Variants in SLC22A3 observed in about 807,000 individuals in gnomAD.
SLC22A3 encodes EMT organic cation transporter 3.
Under a neutral mutation model 59.1 loss-of-function variants are expected in SLC22A3, and 51 were observed. That is an observed-to-expected ratio of 0.86 (90% CI 0.69 to 1.09). The LOEUF (loss-of-function observed/expected upper bound fraction) is 1.09, where lower values mean the gene tolerates loss of function less well. Among genes scored for constraint, SLC22A3 ranks in the 50% least tolerant of loss-of-function variants. The pLI, the probability that SLC22A3 is intolerant of heterozygous loss-of-function variation, is 0.00. For synonymous variants in SLC22A3, 325 were observed against 292.0 expected, an observed-to-expected ratio of 1.11 and a Z score of -1.15; for missense variants, 711 against 726.3, an observed-to-expected ratio of 0.98 and a Z score of 0.24.
intron 1 of SLC22A3, among the ~76,000 whole-genome samples, chr6:160,395,778 A>G (rs1270274004): frequency 2.6e-5 from 4 of 152,192 alleles, no homozygotes; most frequent in South Asian, 2.1e-4. Flanking sequence ...ACTGCCTCCA[A>G]ATTTTTTCCA....
At chr6:160,356,480 T>C (rs1402826319) in intron 1 of SLC22A3, among the ~76,000 whole-genome samples, 1 of 152,218 alleles carries the variant, frequency 6.6e-6, no homozygotes, top group Non-Finnish European at 1.5e-5. Context: ...CCAGCTGTCC[T>C]GGCACCACAC....
At chr6:160,432,408 T>G (rs1245207302) in intron 5 of SLC22A3, among the ~76,000 whole-genome samples, 2 of 151,732 alleles carry the variant, frequency 1.3e-5, no homozygotes, top group South Asian at 2.1e-4. Context: ...CTTTTTTTTT[T>G]GTTACAAAAA....
chr6:160,386,285 C>G (rs1287608575), intron 1 of SLC22A3, among the ~76,000 whole-genome samples: 2 of 152,174 alleles, frequency 1.3e-5, no homozygotes, highest in South Asian at 2.1e-4. Context: ...CTGCCCTTTC[C>G]CCTTCATGGT....
At chr6:160,432,388 T>TAA (rs1788181843) in intron 5 of SLC22A3, among the ~76,000 whole-genome samples, 1 of 151,836 alleles carries the variant, frequency 6.6e-6, no homozygotes, top group South Asian at 2.1e-4. Context: ...TCCATGACTT[T>TAA]AAAAGTGAGC....
In SLC22A3 at chr6:160,452,400, C is replaced by CGAT. The variant is rs1167028051; in HGVS notation, c.*1347_*1349dup. On this transcript the variant is annotated 3_prime_UTR_variant, in exon 11 of 11. Transcript: ENST00000275300. The stretch of plus-strand genomic sequence containing the variant: ...AATTGAATACGAATAATCTATTTGT[C>CGAT]GATGAAATAAACACAACTCTTTGAG... 1.3e-5 allele frequency: 2 copies of CGAT among 152,128 alleles called. No individual in the cohort carries two copies. The highest frequency in any genetic ancestry group is 2.9e-5 in the Non-Finnish European group (2 of 68,020). The allele number at this position is 152,128 out of a possible 1,614,324, so 9.4% of individuals were successfully genotyped here. A position where few individuals can be genotyped will look rare whatever the true frequency, so the allele number is the denominator to read the frequency against.
chr6:160,446,123 G>A (rs1788733280), intron 9 of SLC22A3, among the ~76,000 whole-genome samples: 1 of 152,212 alleles, frequency 6.6e-6, no homozygotes, highest in Non-Finnish European at 1.5e-5. Flanking sequence ...CAAGTGAGAA[G>A]CCCGAGGCAG....
chr6:160,393,380 C>G (rs923089527), intron 1 of SLC22A3, among the ~76,000 whole-genome samples: 3 of 151,710 alleles, frequency 2.0e-5, no homozygotes, highest in Non-Finnish European at 4.4e-5. Context: ...TGTTGGTGTG[C>G]TGCACCCATT....
chr6:160,366,973 T>G (rs1446020306), intron 1 of SLC22A3, among the ~76,000 whole-genome samples: 3 of 152,214 alleles, frequency 2.0e-5, no homozygotes, highest in Admixed American at 6.5e-5. Context: ...TTCTGAGCCC[T>G]CCAAGCTGTT....
intron 1 of SLC22A3, among the ~76,000 whole-genome samples, chr6:160,375,959 A>G (rs1012620606): frequency 6.6e-6 from 1 of 152,098 alleles, no homozygotes; most frequent in African/African-American, 2.4e-5. Context: ...TAGAATGAGG[A>G]TAATAATCAT....
chr6:160,421,990 C>T (rs946790820), intron 5 of SLC22A3, among the ~76,000 whole-genome samples: 5 of 152,194 alleles, frequency 3.3e-5, no homozygotes, highest in African/African-American at 9.7e-5. Flanking sequence ...TCTGTGAACG[C>T]GCTCCTTCGT....
chr6:160,419,198 C>T (rs1787628952), intron 5 of SLC22A3, among the ~76,000 whole-genome samples: 2 of 152,134 alleles, frequency 1.3e-5, no homozygotes, highest in Admixed American at 6.5e-5. Context: ...GTCAGGGAGA[C>T]TTCTAGACCT....
chr6:160,402,670 T>C (rs1228470933), intron 2 of SLC22A3, among the ~76,000 whole-genome samples: 1 of 151,632 alleles, frequency 6.6e-6, no homozygotes, highest in African/African-American at 2.4e-5. Context: ...ATTAGCAAAT[T>C]TGAAGAAATA....
At chr6:160,386,795 G>C (rs569635197) in intron 1 of SLC22A3, among the ~76,000 whole-genome samples, 1 of 152,330 alleles carries the variant, frequency 6.6e-6, no homozygotes, top group Admixed American at 6.5e-5. Context: ...CATTATTGCT[G>C]TTGCTTTGGA....
chr6:160,450,900 T>C, intron 10 of SLC22A3, 96 bp from the exon 11 acceptor site: 4 of 1,179,136 alleles, frequency 3.4e-6, no homozygotes, highest in Non-Finnish European at 4.9e-6. Flanking sequence ...TGAATGTATT[T>C]GATCAAAACC....
chr6:160,355,825 G>C (rs530588511), intron 1 of SLC22A3, among the ~76,000 whole-genome samples: 3 of 152,160 alleles, frequency 2.0e-5, no homozygotes, highest in African/African-American at 7.2e-5. Context: ...TCATGAGGCT[G>C]TTCCGTTTTG....
At chr6:160,402,444 AC>A (rs770867133) in intron 2 of SLC22A3, among the ~76,000 whole-genome samples, 5 of 151,890 alleles carry the variant, frequency 3.3e-5, no homozygotes, top group Non-Finnish European at 7.4e-5. Flanking sequence ...TTCACTGGAG[AC>A]TTCAACATCC....
intron 7 of SLC22A3, among the ~76,000 whole-genome samples, chr6:160,439,451 T>C (rs748726064): frequency 2.1e-4 from 32 of 152,198 alleles, no homozygotes; most frequent in African/African-American, 3.1e-4. Context: ...TATAAGATTT[T>C]CTCTGGTCCT....
intron 4 of SLC22A3, among the ~76,000 whole-genome samples, chr6:160,409,669 C>G (rs1468329012): frequency 2.6e-5 from 4 of 152,160 alleles, no homozygotes; most frequent in Non-Finnish European, 5.9e-5. Flanking sequence ...AAAATGGCTA[C>G]ATGCTTTGAG....
chr6:160,400,199 G>A (rs1786710576), intron 2 of SLC22A3, among the ~76,000 whole-genome samples: 2 of 145,208 alleles, frequency 1.4e-5, no homozygotes, highest in South Asian at 4.5e-4. Context: ...GAACAATTTT[G>A]AAATATGCCA....
Sources: allele counts gnomAD v4.1 joint callset (sites outside exome capture counted in the v4.1 genomes callset), GRCh38; gene constraint gnomAD v4.1.1; transcripts MANE v1.5; gene names NCBI Gene and HGNC (gene_info 2026-07-23, HGNC 2026-07-21).